PHF12: variants seen among roughly 807,000 people sequenced by gnomAD.
PHF12 encodes PHD finger protein 12.
In PHF12, 6 loss-of-function variants were observed where a neutral mutation model predicts 99.8. The observed-to-expected ratio is 0.06, with a 90% CI of 0.03 to 0.12. The LOEUF (loss-of-function observed/expected upper bound fraction) is 0.12. Ranked by LOEUF, PHF12 falls within the 10% of genes least tolerant of loss-of-function variation. The pLI, the probability that PHF12 is intolerant of heterozygous loss-of-function variation, is 1.00. For missense variants in PHF12, 954 were observed against 1,300.1 expected, an observed-to-expected ratio of 0.73 and a Z score of 4.09; for synonymous variants, 480 against 514.9, an observed-to-expected ratio of 0.93 and a Z score of 0.92.
chr17:28,906,093 T>C lies in PHF12; in HGVS notation c.*90A>G, dbSNP rs1390076641. On this transcript the variant is annotated 3_prime_UTR_variant, in exon 15 of 15. Transcript: ENST00000332830. The surrounding 1 kb of genome is among the most constrained non-coding windows in gnomAD (Gnocchi z 4.2). ...TAGTTGAAGGGTTTCTGGTAGAGTA[T>C]AGAAAACACCCGGGCTTGGTTTGTG... 9 of 1,315,728 alleles carry C rather than the reference T, an allele frequency of 6.8e-6. No individual in the cohort carries two copies. Among genetic ancestry groups the C allele is most frequent in the Middle Eastern group, 1.9e-4 (1 of 5,194 alleles). 81.5% of individuals were successfully genotyped at this position (1,315,728 alleles called of 1,614,324 possible).
At chr17:28,930,546 G>C (rs143058161) in intron 2 of PHF12, among the ~76,000 whole-genome samples, 5 of 152,156 alleles carry the variant, frequency 3.3e-5, no homozygotes, top group African/African-American at 4.8e-5. Context: ...AATTACTTAT[G>C]TTTTCTAAGT....
At position 28,949,281 on chromosome 17, in the gene PHF12, C is replaced by T. The variant is rs1234888255; in HGVS notation, c.248+784G>A. ...TTAATTGTCTAACCCGGCCCGATTT[C>T]CTAAGAGGCAGCGGCGCCGGGAGGG... On this transcript the variant is annotated intron_variant, in intron 2 of 14. Transcript: ENST00000332830. This position sits in a 1 kb window ranked among gnomAD's most constrained non-coding sequence, Gnocchi z 4.6. Among the ~76,000 whole-genome samples the T allele has an allele frequency of 1.3e-5, 2 of 152,092 alleles. No homozygotes were observed. The highest frequency in any genetic ancestry group is 1.5e-5 in the Non-Finnish European group (1 of 68,010).
rs2040798669 is a variant in PHF12, at chr17:28,950,892, T to TA, written c.66+2dup. 6.2e-7 allele frequency: 1 copy of TA among 1,613,440 alleles called. No homozygotes were observed. ...GGAAGGAGATGAGGAGGGCCACTCT[T>TA]ACCTCCATCAGCCCCCCTGATGTGT... On this transcript the variant is annotated splice_region_variant and intron_variant, in intron 1 of 14. Coordinates refer to ENST00000332830, the MANE Select transcript of PHF12 (RefSeq NM_001033561.2). The surrounding 1 kb of genome is among the most constrained non-coding windows in gnomAD (Gnocchi z 5.7).
Position 28,951,332 on chromosome 17 carries a change from G to T in PHF12, c.-372C>A, listed in dbSNP as rs570647078. On this transcript the variant is annotated 5_prime_UTR_variant, in exon 1 of 15. Transcript: ENST00000332830. ...ATCCCGGGGCTGGGGGTATCGGAGGGGGGGTGAGAGGTTACGTGAGGTTGT... is the reference window on the plus strand; with the variant it reads ...ATCCCGGGGCTGGGGGTATCGGAGGTGGGGTGAGAGGTTACGTGAGGTTGT... The T allele has an allele frequency of 2.0e-5, 21 of 1,051,288 alleles. No homozygotes were observed. The highest frequency in any genetic ancestry group is 3.1e-5 in the South Asian group (1 of 32,588). 65.1% of individuals were successfully genotyped at this position (1,051,288 alleles called of 1,614,324 possible). A position where few individuals can be genotyped will look rare whatever the true frequency, so the allele number is the denominator to read the frequency against.
At position 28,924,050 on chromosome 17, in the gene PHF12, C is replaced by G. The variant is rs2040220256; in HGVS notation, c.574G>C (p.Glu192Gln). ...DVDEDIIDVD[E>Q]EPVAAEPDYV... ...TCTGGCTCCGCTGCTACTGGTTCCT[C>G]ATCCACGTCAATGATGTCTTCGTCG... Residue 192 changes from glutamate (E) to glutamine (Q), a missense_variant, in exon 4 of 15, where the codon GAG (glutamate) becomes CAG (glutamine). By Grantham distance (29) the Glu-to-Gln change is conservative (BLOSUM62 2). Around this residue, in one of 8 missense-constraint regions of PHF12, gnomAD observed 109 missense variants for 145.4 expected, o/e 0.75. Transcript: ENST00000332830. 1.9e-6 allele frequency: 3 copies of G among 1,614,092 alleles called. No homozygotes were observed. The highest frequency in any genetic ancestry group is 2.5e-6 in the Non-Finnish European group (3 of 1,180,048).
In PHF12 at chr17:28,906,512, G is replaced by T. The variant is rs749491797; in HGVS notation, c.2686C>A (p.Arg896Ser). The change falls in exon 15 of 15, where the codon CGC (arginine) becomes AGC (serine). Residue 896 changes from arginine to serine, a missense_variant. Arg to Ser is a moderately radical substitution (Grantham distance 110). Around this residue, in one of 8 missense-constraint regions of PHF12, gnomAD observed 136 missense variants for 172.3 expected, o/e 0.79. Coordinates refer to ENST00000332830, the MANE Select transcript of PHF12 (RefSeq NM_001033561.2). This position sits in a 1 kb window ranked among gnomAD's most constrained non-coding sequence, Gnocchi z 4.2. Reference protein sequence around the residue: ...VAKVQSVIRRRRHQKQDEEPS... With the variant: ...VAKVQSVIRRSRHQKQDEEPS... ...TCTTCGTCCTGTTTCTGGTGCCGGCGGCGCCCTGGGAAAAAGGGGGATGGT... is the reference window on the plus strand; with the variant it reads ...TCTTCGTCCTGTTTCTGGTGCCGGCTGCGCCCTGGGAAAAAGGGGGATGGT... 4 of 1,596,290 alleles carry T rather than the reference G, an allele frequency of 2.5e-6. No homozygotes were observed. Among genetic ancestry groups the T allele is most frequent in the Non-Finnish European group, 3.4e-6 (4 of 1,167,656 alleles).
chr17:28,925,052 TAG>T (rs2040243263), intron 3 of PHF12: 1 of 152,168 alleles, frequency 6.6e-6, no homozygotes, highest in African/African-American at 2.4e-5. Context: ...TGACACTTCT[TAG>T]AAAGTGGGGA....
chr17:28,941,632 T>C (rs945102636), intron 2 of PHF12, among the ~76,000 whole-genome samples: 5 of 152,082 alleles, frequency 3.3e-5, no homozygotes, highest in African/African-American at 1.2e-4. Context: ...TTTTTTGAGA[T>C]GGAGTTTCAC....
At chr17:28,917,066 G>A (rs534972851) in intron 7 of PHF12, among the ~76,000 whole-genome samples, 6 of 152,180 alleles carry the variant, frequency 3.9e-5, no homozygotes. Context: ...GAAAACTAGA[G>A]ACTGGTAGAC....
At chr17:28,942,672 T>C in intron 2 of PHF12, among the ~76,000 whole-genome samples, 1 of 151,264 alleles carries the variant, frequency 6.6e-6, no homozygotes, top group Non-Finnish European at 1.5e-5. Context: ...AAAAATTAGC[T>C]GGGTGTGGTG....
rs986313993 is a variant in PHF12 at position 28,919,600 on chromosome 17, C to T, written c.837-325G>A. 5.3e-5 allele frequency among the ~76,000 whole-genome samples: 8 copies of T among 152,060 alleles called. No individual in the cohort carries two copies. In the East Asian group the frequency reaches 7.7e-4, roughly 15 times the overall value. ...CTAAAAATACAAAAAATTAGCTGGG[C>T]GTGGTGGTGGGCACCTGTAATCCCA... On this transcript the variant is annotated intron_variant, in intron 5 of 14. Coordinates refer to ENST00000332830, the MANE Select transcript of PHF12 (RefSeq NM_001033561.2).
At chr17:28,911,271 C>T (rs367918540) in intron 9 of PHF12, 34 bp from the exon 10 acceptor site, 162 of 1,612,054 alleles carry the variant, frequency 1.0e-4, no homozygotes, top group East Asian at 1.3e-4. Flanking sequence ...TTACTTACGT[C>T]GCCTGAGGGA....
At chr17:28,920,470 T>C (rs2040141268) in intron 5 of PHF12, among the ~76,000 whole-genome samples, 2 of 152,258 alleles carry the variant, frequency 1.3e-5, no homozygotes, top group South Asian at 4.1e-4. Context: ...TCCAGTCCAA[T>C]ACACACTATC....
chr17:28,910,461 T>C, intron 10 of PHF12, 92 bp from the exon 11 acceptor site: 1 of 1,433,014 alleles, frequency 7.0e-7, no homozygotes, highest in Non-Finnish European at 9.4e-7. Flanking sequence ...GTTTGGCATT[T>C]CTAAAATCCA....
intron 9 of PHF12, 142 bp downstream of exon 9, chr17:28,912,340 T>TTACGGAAATGAGAG: frequency 7.1e-7 from 1 of 1,409,976 alleles, no homozygotes; most frequent in Non-Finnish European, 9.2e-7. Flanking sequence ...TCCTCTTCTA[T>TTACGGAAATGAGAG]TACGGAAATG....
At chr17:28,926,568 C>T in intron 3 of PHF12, 2 of 352,038 alleles carry the variant, frequency 5.7e-6, no homozygotes, top group South Asian at 4.4e-5. Context: ...ACTTGGGGTA[C>T]AAATGCGTTC....
chr17:28,919,633 G>A (rs1245258467), intron 5 of PHF12, among the ~76,000 whole-genome samples: 4 of 152,094 alleles, frequency 2.6e-5, no homozygotes, highest in East Asian at 3.9e-4. Flanking sequence ...CCAGCTACTC[G>A]GGAGGCTGAG....
At chr17:28,915,132 A>G (rs1245095416) in intron 7 of PHF12, among the ~76,000 whole-genome samples, 1 of 152,196 alleles carries the variant, frequency 6.6e-6, no homozygotes, top group African/African-American at 2.4e-5. Context: ...ATAGGAAGTC[A>G]GTATTTGGGT....
chr17:28,950,618 G>A lies in PHF12; in HGVS notation c.66+277C>T, dbSNP rs566564926. 1.9e-6 allele frequency: 1 copy of A among 535,766 alleles called. No individual in the cohort carries two copies. Among genetic ancestry groups the A allele is most frequent in the African/African-American group, 1.9e-5 (1 of 51,944 alleles). The allele number at this position is 535,766 out of a possible 1,614,324, so 33.2% of individuals were successfully genotyped here. A position where few individuals can be genotyped will look rare whatever the true frequency, so the allele number is the denominator to read the frequency against. ...GGGGGAAGCACAAAGGGGCCAACAA[G>A]AAGGGGGTGGGGAGGCCTGCCGGTG... On this transcript the variant is annotated intron_variant, in intron 1 of 14. Transcript: ENST00000332830. This position sits in a 1 kb window ranked among gnomAD's most constrained non-coding sequence, Gnocchi z 5.7.
Sources: gnomAD v4.1 joint callset for allele counts (sites outside exome capture counted in the v4.1 genomes callset) on GRCh38, gnomAD v4.1.1 for gene constraint, gnomAD v4.1.1 regional missense constraint, Gnocchi (gnomAD v3.1) non-coding constraint, MANE v1.5 for transcripts, NCBI Gene and HGNC (gene_info 2026-07-23, HGNC 2026-07-21) for gene names.